Variants in PCNX2 observed in about 807,000 individuals in gnomAD.
The protein encoded by PCNX2 is pecanex-like protein 2.
Under a neutral mutation model 223.8 loss-of-function variants are expected in PCNX2, and 168 were observed. That is an observed-to-expected ratio of 0.75 (90% CI 0.66 to 0.85). PCNX2 has a LOEUF of 0.85. Among genes scored for constraint, PCNX2 ranks in the 40% least tolerant of loss-of-function variants. The probability of loss-of-function intolerance (pLI) is 0.00; values close to 1 mark genes in which losing one functional copy is unlikely to be tolerated. For missense variants in PCNX2, 2,507 were observed against 2,675.5 expected (o/e 0.94, Z 1.39); for synonymous variants, 1,006 against 1,052.6 (o/e 0.96, Z 0.86).
intron 21 of PCNX2, among the ~76,000 whole-genome samples, chr1:233,127,962 A>T (rs922961266): frequency 3.9e-5 from 6 of 152,186 alleles, no homozygotes; most frequent in African/African-American, 1.4e-4. Context: ...GTATTTTTTT[A>T]AAAAGTGGCT....
chr1:233,007,158 A>G (rs114250989), intron 28 of PCNX2, among the ~76,000 whole-genome samples: 1,834 of 151,546 alleles, frequency 0.012, 48 homozygotes, highest in African/African-American at 0.041. Context: ...GATGTAGTGC[A>G]TTCTGACAGC....
At chr1:233,308,424 A>G in the PCNX2 span, among the ~76,000 whole-genome samples, 1 of 152,174 alleles carries the variant, frequency 6.6e-6, no homozygotes, top group African/African-American at 2.4e-5. Flanking sequence ...GTGCCACTGC[A>G]CTCCAGCCTG....
intron 32 of PCNX2, among the ~76,000 whole-genome samples, chr1:232,996,145 C>T (rs1176095719): frequency 6.6e-6 from 1 of 152,166 alleles, no homozygotes; most frequent in African/African-American, 2.4e-5. Flanking sequence ...TATAGGTGTG[C>T]ACCACAGCAC....
rs571686364 is a variant in PCNX2, at chr1:233,232,318, G to C, written c.2358+4527C>G. 6.0e-4 allele frequency among the ~76,000 whole-genome samples: 91 copies of C among 152,290 alleles called. 1 individual carries two copies. The highest frequency in any genetic ancestry group is 2.1e-3 in the African/African-American group (89 of 41,574). ...AATACTTTATTACAAAATAGGCTTT[G>C]TATTTGATGATTTTGCCCAGCTGTT... On this transcript the variant is annotated intron_variant, in intron 9 of 33. Transcript: ENST00000258229.
At chr1:233,309,990 G>A in the PCNX2 span, among the ~76,000 whole-genome samples, 2 of 152,022 alleles carry the variant, frequency 1.3e-5, no homozygotes, top group African/African-American at 4.8e-5. Context: ...AAATAATAAA[G>A]TTATTAATAA....
At chr1:233,322,331 C>T in the PCNX2 span, among the ~76,000 whole-genome samples, 16 of 152,258 alleles carry the variant, frequency 1.1e-4, no homozygotes, top group Admixed American at 5.2e-4. Context: ...CAGTACATGC[C>T]TATGAGTAGG....
At chr1:233,261,845 C>T (rs137986497) in intron 3 of PCNX2, among the ~76,000 whole-genome samples, 200 bp downstream of exon 3, 1 of 152,292 alleles carries the variant, frequency 6.6e-6, no homozygotes, top group East Asian at 1.9e-4. Context: ...GTGCTTTGAA[C>T]ACACGACTGG....
intron 22 of PCNX2, among the ~76,000 whole-genome samples, chr1:233,091,394 T>C (rs184998062): frequency 1.1e-3 from 173 of 151,284 alleles, no homozygotes; most frequent in African/African-American, 4.2e-3. Flanking sequence ...TTATCAAGAA[T>C]ATAGAAGTAA....
intron 32 of PCNX2, among the ~76,000 whole-genome samples, chr1:232,994,364 G>A (rs1343425967): frequency 6.6e-6 from 1 of 152,262 alleles, no homozygotes; most frequent in Non-Finnish European, 1.5e-5. Context: ...GGACTTGCAT[G>A]GGGCCTGTGG....
chr1:233,001,822 C>T lies in PCNX2; in HGVS notation c.4953-141G>A. ...GAAAATGAAGATAACAGGACTCATC[C>T]CAGTGCACCTAGTGCCTACCCCTAC... On this transcript the variant is annotated intron_variant, in intron 28 of 33. Transcript: ENST00000258229. This position sits in a 1 kb window ranked among gnomAD's most constrained non-coding sequence, Gnocchi z 4.2. The T allele has an allele frequency of 2.5e-6, 2 of 814,510 alleles. No homozygotes were observed. The highest frequency in any genetic ancestry group is 3.5e-6 in the Non-Finnish European group (2 of 579,350). The allele number at this position is 814,510 out of a possible 1,614,324, so 50.5% of individuals were successfully genotyped here. A position where few individuals can be genotyped will look rare whatever the true frequency, so the allele number is the denominator to read the frequency against.
In PCNX2 at chr1:233,000,304, C is replaced by G; in HGVS notation, c.5328+1G>C. 1 of 1,613,892 alleles carries G rather than the reference C, an allele frequency of 6.2e-7. No individual in the cohort carries two copies. The stretch of plus-strand genomic sequence containing the variant: ...GGACCCAGAAAGTGTGGCCGCCATA[C>G]CTTGATCACCTTGAAGCTCAGGAAG... On this transcript the variant is annotated splice_donor_variant, in intron 30 of 33. Transcript: ENST00000258229. LOFTEE classifies it high-confidence loss of function. This position sits in a 1 kb window ranked among gnomAD's most constrained non-coding sequence, Gnocchi z 4.6.
At chr1:233,293,177 A>G (rs965429597) in intron 1 of PCNX2, among the ~76,000 whole-genome samples, 1 of 152,238 alleles carries the variant, frequency 6.6e-6, no homozygotes, top group Non-Finnish European at 1.5e-5. Context: ...AAATGAGCCC[A>G]TATGCATAGG....
rs766627404 is a variant in PCNX2, at chr1:233,263,138, A to G, written c.179T>C (p.Val60Ala). ...AGTCACTGCACTGCAGTAGAAAAAT[A>G]CAATGATCGCATTTGGAGGAAAAGC... The part of the protein sequence containing the change: ...HLAFPPNAII[V>A]FFYCSAVTIF... Residue 60 changes from valine (V) to alanine (A), a missense_variant, in exon 2 of 34, where the codon GTA becomes GCA. Transcript: ENST00000258229. 1 of 1,610,992 alleles carries G rather than the reference A, an allele frequency of 6.2e-7. No individual in the cohort carries two copies. The highest frequency in any genetic ancestry group is 1.7e-5 in the Admixed American group (1 of 59,854).
chr1:233,292,309 C>T (rs1204812088), intron 1 of PCNX2, among the ~76,000 whole-genome samples: 4 of 148,894 alleles, frequency 2.7e-5, no homozygotes, highest in East Asian at 4.0e-4. Context: ...AGGATTCAAG[C>T]GATTCTCCTG....
At chr1:233,175,957 G>A (rs16858797) in intron 17 of PCNX2, among the ~76,000 whole-genome samples, 1 of 152,084 alleles carries the variant, frequency 6.6e-6, no homozygotes, top group Non-Finnish European at 1.5e-5. Context: ...TCTTGAAATG[G>A]CAGACTGCAA....
At chr1:233,127,299 A>T (rs983135147) in intron 21 of PCNX2, among the ~76,000 whole-genome samples, 1 of 151,954 alleles carries the variant, frequency 6.6e-6, no homozygotes, top group African/African-American at 2.4e-5. Flanking sequence ...TCCCCTTTCC[A>T]GGTTTTCACA....
At position 232,990,114 on chromosome 1, in the gene PCNX2, G is replaced by A. The variant is rs1669641406; in HGVS notation, c.5792-3574C>T. The stretch of plus-strand genomic sequence containing the variant: ...TTTTACTTAACTAGAAGGAGGGTGA[G>A]AAGGAGGCCAGAGACTGAAATCAAA... On this transcript the variant is annotated intron_variant, in intron 32 of 33. Transcript: ENST00000258229. This position sits in a 1 kb window ranked among gnomAD's most constrained non-coding sequence, Gnocchi z 4.3. Among the ~76,000 whole-genome samples, 1 of 152,234 alleles carries A rather than the reference G, an allele frequency of 6.6e-6. No individual in the cohort carries two copies. The highest frequency in any genetic ancestry group is 1.5e-5 in the Non-Finnish European group (1 of 68,036).
chr1:233,120,334 C>A (rs1419021121), intron 21 of PCNX2, among the ~76,000 whole-genome samples: 1 of 151,946 alleles, frequency 6.6e-6, no homozygotes, highest in Non-Finnish European at 1.5e-5. Context: ...GGAGACTAAG[C>A]ACCTAAACAA....
chr1:233,292,164 G>T, intron 1 of PCNX2: 17 of 382,982 alleles, frequency 4.4e-5, no homozygotes, highest in Non-Finnish European at 5.7e-5. Flanking sequence ...ATATTAAAAA[G>T]TGGATCCTTT....
Sources: allele counts gnomAD v4.1 joint callset (sites outside exome capture counted in the v4.1 genomes callset), GRCh38; gene constraint gnomAD v4.1.1; non-coding constraint Gnocchi (gnomAD v3.1); transcripts MANE v1.5; gene names NCBI Gene and HGNC (gene_info 2026-07-23, HGNC 2026-07-21).